CCDC69: variants seen among roughly 807,000 people sequenced by gnomAD.
CCDC69 encodes the protein coiled-coil domain-containing protein 69.
Under a neutral mutation model 40.3 loss-of-function variants are expected in CCDC69, and 38 were observed. The ratio of observed to expected loss-of-function variants is 0.94; its 90% CI spans 0.73 to 1.24. The LOEUF is 1.24. Among genes scored for constraint, CCDC69 ranks in the 50% most tolerant of loss-of-function variants. The pLI is 0.00. For missense variants in CCDC69, 389 were observed against 357.9 expected (o/e 1.09, Z -0.70); for synonymous variants, 141 against 138.9 (o/e 1.02, Z -0.11).
intron 5 of CCDC69, among the ~76,000 whole-genome samples, chr5:151,187,032 C>T (rs1374464989): frequency 6.6e-6 from 1 of 152,210 alleles, no homozygotes; most frequent in Non-Finnish European, 1.5e-5. Context: ...CTCACTCCCT[C>T]TAGGAAATCT....
At position 151,182,789 on chromosome 5, in the gene CCDC69, T is replaced by G. The variant is rs957534144; in HGVS notation, c.*648A>C. On this transcript the variant is annotated 3_prime_UTR_variant, in exon 9 of 9. Transcript: ENST00000355417. The stretch of plus-strand genomic sequence containing the variant: ...ACGACTCTGGCCCAGGAATGATGCC[T>G]CAGCTGGGGAGGCTGCCTGGCCCTG... 3.0e-6 allele frequency: 1 copy of G among 338,132 alleles called. No homozygotes were observed. The highest frequency in any genetic ancestry group is 5.9e-6 in the Non-Finnish European group (1 of 170,496). 20.9% of individuals were successfully genotyped at this position (338,132 alleles called of 1,614,324 possible).
intron 1 of CCDC69, among the ~76,000 whole-genome samples, chr5:151,211,518 CTTTTTTTTTT>C (rs774546814): frequency 9.2e-6 from 1 of 108,768 alleles, no homozygotes; most frequent in African/African-American, 4.0e-5. Context: ...TTTGCATCTG[CTTTTTTTTTT>C]TTTTTTTTTT....
intron 1 of CCDC69, among the ~76,000 whole-genome samples, chr5:151,222,055 C>T (rs547094282): frequency 7.1e-4 from 108 of 152,364 alleles, no homozygotes; most frequent in Middle Eastern, 3.4e-3. Flanking sequence ...AAAGATTTTA[C>T]GCTAAAGTCA....
intron 1 of CCDC69, among the ~76,000 whole-genome samples, chr5:151,221,328 C>A (rs114623310): frequency 6.6e-6 from 1 of 152,248 alleles, no homozygotes; most frequent in Non-Finnish European, 1.5e-5. Context: ...AACCCCCTCA[C>A]GCTGTGCTTT....
intron 1 of CCDC69, among the ~76,000 whole-genome samples, chr5:151,214,483 T>A (rs1753005396): frequency 6.6e-6 from 1 of 152,216 alleles, no homozygotes; most frequent in Non-Finnish European, 1.5e-5. Flanking sequence ...ATCTCTAAGA[T>A]GGGCAGAGAT....
intron 5 of CCDC69, 49 bp downstream of exon 5, chr5:151,187,337 G>T: frequency 6.5e-7 from 1 of 1,537,022 alleles, no homozygotes; most frequent in Non-Finnish European, 9.0e-7. Flanking sequence ...CTTTCCCATT[G>T]GTCCTCACTT....
chr5:151,203,442 G>A (rs531211843), intron 2 of CCDC69, among the ~76,000 whole-genome samples: 31 of 150,976 alleles, frequency 2.1e-4, no homozygotes, highest in East Asian at 9.7e-4. Flanking sequence ...CCTGGGAGGC[G>A]GAGGTTGCAG....
chr5:151,201,687 A>T lies in CCDC69; in HGVS notation c.126T>A (p.Ala42=). 1 of 1,596,774 alleles carries T rather than the reference A, an allele frequency of 6.3e-7. No individual in the cohort carries two copies. Among genetic ancestry groups the T allele is most frequent in the Non-Finnish European group, 8.5e-7 (1 of 1,172,662 alleles). Reference sequence around the variant, plus strand: ...CTGATGCACAGAGCTGGACAGTTATAGCTAGAGATGAAAAAGCAAAAAAAT... The same window carrying T: ...CTGATGCACAGAGCTGGACAGTTATTGCTAGAGATGAAAAAGCAAAAAAAT... ...HELGPLNGDT[A]ITVQLCASEE... is the part of the protein sequence containing the mutation. The change falls in exon 3 of 9, where the codon GCT becomes GCA. Residue 42 remains alanine (A), a splice_region_variant and synonymous_variant. Coordinates refer to ENST00000355417, the MANE Select transcript of CCDC69 (RefSeq NM_015621.3).
At chr5:151,210,403 C>G (rs10056691) in intron 1 of CCDC69, among the ~76,000 whole-genome samples, 11 of 151,696 alleles carry the variant, frequency 7.3e-5, no homozygotes, top group African/African-American at 2.7e-4. Flanking sequence ...ATTAGCCAGG[C>G]GGTAGTGGCA....
rs140225097 is a variant in CCDC69, at chr5:151,214,253, C to T, written c.49-8778G>A. Among the ~76,000 whole-genome samples the T allele has an allele frequency of 2.7e-3, 417 of 152,312 alleles. 3 individuals carry two copies. The highest frequency in any genetic ancestry group is 9.7e-3 in the African/African-American group (403 of 41,570). On this transcript the variant is annotated intron_variant, in intron 1 of 8. Transcript: ENST00000355417. Reference sequence around the variant, plus strand: ...GCTGCCTTTCCGGTGTCTGGCCCAGCACCACTAGTGCTGGGATCTAAGTAA... The same window carrying T: ...GCTGCCTTTCCGGTGTCTGGCCCAGTACCACTAGTGCTGGGATCTAAGTAA...
chr5:151,208,023 G>A (rs1181338192), intron 1 of CCDC69, among the ~76,000 whole-genome samples: 1 of 152,112 alleles, frequency 6.6e-6, no homozygotes, highest in Non-Finnish European at 1.5e-5. Flanking sequence ...GGCCGAAGTG[G>A]GCAAATCATT....
At chr5:151,187,490 A>C in intron 4 of CCDC69, 31 bp from the exon 5 acceptor site, 4 of 1,431,232 alleles carry the variant, frequency 2.8e-6, no homozygotes, top group Non-Finnish European at 3.7e-6. Context: ...CATAAGCTCA[A>C]GACACTTCTC....
intron 1 of CCDC69, among the ~76,000 whole-genome samples, chr5:151,215,088 G>C (rs1219614290): frequency 6.6e-6 from 1 of 152,254 alleles, no homozygotes; most frequent in Non-Finnish European, 1.5e-5. Flanking sequence ...CTGGCAGGCA[G>C]GACCCTGAAG....
chr5:151,214,561 T>A (rs1753006877), intron 1 of CCDC69, among the ~76,000 whole-genome samples: 1 of 152,190 alleles, frequency 6.6e-6, no homozygotes, highest in Non-Finnish European at 1.5e-5. Flanking sequence ...CATTAAAGAT[T>A]TAATTCATCC....
In CCDC69 at chr5:151,185,403, G is replaced by A. The variant is rs1221975552; in HGVS notation, c.615+19C>T. 2 of 1,612,976 alleles carry A rather than the reference G, an allele frequency of 1.2e-6. No homozygotes were observed. Among genetic ancestry groups the A allele is most frequent in the Admixed American group, 3.3e-5 (2 of 59,944 alleles). On this transcript the variant is annotated intron_variant, in intron 7 of 8. Coordinates refer to ENST00000355417, the MANE Select transcript of CCDC69 (RefSeq NM_015621.3). ...CGGGAGCCTGAGGCTGCATCCCCCA[G>A]CCACTCCCAGTCACAGACCACTGTT...
At chr5:151,201,495 C>A (rs1412062112) in intron 3 of CCDC69, 87 bp downstream of exon 3, 2 of 842,486 alleles carry the variant, frequency 2.4e-6, no homozygotes, top group Non-Finnish European at 3.8e-6. Context: ...ACAACAGCAA[C>A]AAAAACCTAA....
chr5:151,217,518 TTC>T (rs1168245747), intron 1 of CCDC69, among the ~76,000 whole-genome samples: 1 of 152,198 alleles, frequency 6.6e-6, no homozygotes, highest in African/African-American at 2.4e-5. Flanking sequence ...CAGAAATGTA[TTC>T]TCTCACAGTT....
chr5:151,199,210 A>G, intron 3 of CCDC69, 126 bp from the exon 4 acceptor site: 1 of 758,262 alleles, frequency 1.3e-6, no homozygotes, highest in Middle Eastern at 2.3e-4. Context: ...GAGGGATGGG[A>G]ATGACACGCC....
chr5:151,183,753 A>G, intron 8 of CCDC69, 139 bp from the exon 9 acceptor site: 2 of 711,920 alleles, frequency 2.8e-6, no homozygotes, highest in Non-Finnish European at 4.7e-6. Context: ...TGGCCTGTAT[A>G]CAAGAGGCAA....
Sources: allele counts gnomAD v4.1 joint callset (sites outside exome capture counted in the v4.1 genomes callset), GRCh38; gene constraint gnomAD v4.1.1; transcripts MANE v1.5; gene names NCBI Gene and HGNC (gene_info 2026-07-23, HGNC 2026-07-21).